The following ETFDH variants were observed in gnomAD, a reference collection of about 807,000 sequenced individuals.
The protein encoded by ETFDH is electron transfer flavoprotein-ubiquinone oxidoreductase, mitochondrial.
ETFDH carries 61 observed loss-of-function variants against 73.2 expected under a neutral mutation model. That is an observed-to-expected ratio of 0.83 (90% CI 0.68 to 1.03). The LOEUF (loss-of-function observed/expected upper bound fraction) is 1.03. ETFDH is among the 50% of genes least tolerant of loss of function. ETFDH has a pLI of 0.00. For synonymous variants in ETFDH, 243 were observed against 253.3 expected (o/e 0.96, Z 0.39); for missense variants, 685 against 745.0 (o/e 0.92, Z 0.94).
intron 5 of ETFDH, 136 bp from the exon 6 acceptor site, chr4:158,690,212 T>C: frequency 1.5e-6 from 1 of 646,816 alleles, no homozygotes. Flanking sequence ...CTTTATTACC[T>C]GAACATTTTA....
At position 158,690,395 on chromosome 4, in the gene ETFDH, T is replaced by C. The variant is rs1241684347; in HGVS notation, c.654T>C (p.Asp218=). The change falls in exon 6 of 13, where the codon GAT becomes GAC. Residue 218 remains aspartate (D), a synonymous_variant. Coordinates refer to ENST00000511912, the MANE Select transcript of ETFDH (RefSeq NM_004453.4). ...DGSVKGIATN[D]VGIQKDGAPK... Reference sequence around the variant, plus strand: ...GTGTAAAAGGAATTGCCACTAACGATGTAGGGATACAAAAGGATGGTGCAC... The same window carrying C: ...GTGTAAAAGGAATTGCCACTAACGACGTAGGGATACAAAAGGATGGTGCAC... The C allele has an allele frequency of 2.6e-5, 41 of 1,604,362 alleles. No homozygotes were observed. Among genetic ancestry groups the C allele is most frequent in the South Asian group, 3.3e-5 (3 of 90,910 alleles).
intron 1 of ETFDH, among the ~76,000 whole-genome samples, chr4:158,674,132 A>C (rs1472969182): frequency 6.6e-6 from 1 of 152,216 alleles, no homozygotes; most frequent in Non-Finnish European, 1.5e-5. Context: ...ACTTCTATGC[A>C]CTAAACTACA....
chr4:158,696,844 A>G (rs180767008), intron 7 of ETFDH, among the ~76,000 whole-genome samples: 1 of 152,170 alleles, frequency 6.6e-6, no homozygotes, highest in Non-Finnish European at 1.5e-5. Flanking sequence ...TACATGGTGA[A>G]CATATCCATG....
At position 158,680,498 on chromosome 4, in the gene ETFDH, G is replaced by C; in HGVS notation, c.66G>C (p.Lys22Asn). 1.2e-6 allele frequency: 2 copies of C among 1,606,168 alleles called. No individual in the cohort carries two copies. Among genetic ancestry groups the C allele is most frequent in the Non-Finnish European group, 1.7e-6 (2 of 1,172,990 alleles). Residue 22 changes from lysine (K) to asparagine (N), a missense_variant, in exon 2 of 13, where the codon AAG (lysine) becomes AAC (asparagine). Coordinates refer to ENST00000511912, the MANE Select transcript of ETFDH (RefSeq NM_004453.4). ...AYQCFHALKIKKNYLPLCATR... is the reference protein window; with the variant it reads ...AYQCFHALKINKNYLPLCATR... ...AGTGCTTTCATGCCTTAAAAATTAA[G>C]AAAAATTATCTACCTCTATGTGCTA...
At chr4:158,686,313 C>G (rs1402923834) in intron 5 of ETFDH, among the ~76,000 whole-genome samples, 1 of 152,078 alleles carries the variant, frequency 6.6e-6, no homozygotes, top group African/African-American at 2.4e-5. Flanking sequence ...GACAGGGTAA[C>G]AAGAAAAACA....
rs1259368875 is a variant in ETFDH at position 158,672,336 on chromosome 4, A to G, written c.-121A>G. Reference sequence around the variant, plus strand: ...TCGGCAGAGCGGGGAGGCGAACTGCAGCAGAGTTCTTGCTTTCCGGCAGGT... The same window carrying G: ...TCGGCAGAGCGGGGAGGCGAACTGCGGCAGAGTTCTTGCTTTCCGGCAGGT... On this transcript the variant is annotated 5_prime_UTR_variant, in exon 1 of 13. Coordinates refer to ENST00000511912, the MANE Select transcript of ETFDH (RefSeq NM_004453.4). 18 of 991,244 alleles carry G rather than the reference A, an allele frequency of 1.8e-5. No homozygotes were observed. Among genetic ancestry groups the G allele is most frequent in the Non-Finnish European group, 1.5e-5 (9 of 614,138 alleles). The allele number at this position is 991,244 out of a possible 1,614,324, so 61.4% of individuals were successfully genotyped here.
At position 158,682,368 on chromosome 4, in the gene ETFDH, G is replaced by A. The variant is rs763106795; in HGVS notation, c.349G>A (p.Ala117Thr). ...AQIGAHTLSG[A>T]CLDPGAFKEL... ...GATAGGAGCTCATACTCTCTCAGGG[G>A]CTTGCCTTGATCCAGGTGCTTTTAA... Residue 117 changes from alanine to threonine, a missense_variant, in exon 3 of 13, where the codon GCT (alanine) becomes ACT (threonine). Physicochemically the swap from Ala to Thr is moderately conservative, Grantham distance 58. This residue lies in a region of ETFDH where 405 missense variants were observed against 399.3 expected (regional missense o/e 1.01). Coordinates refer to ENST00000511912, the MANE Select transcript of ETFDH (RefSeq NM_004453.4). 1 of 1,614,176 alleles carries A rather than the reference G, an allele frequency of 6.2e-7. No individual in the cohort carries two copies. The highest frequency in any genetic ancestry group is 8.5e-7 in the Non-Finnish European group (1 of 1,180,014).
At chr4:158,695,402 C>T (rs552885393) in intron 6 of ETFDH, 95 bp from the exon 7 acceptor site, 8 of 916,916 alleles carry the variant, frequency 8.7e-6, no homozygotes, top group Non-Finnish European at 1.2e-5. Context: ...ACTGTCTCTT[C>T]TACATCTGAA....
rs534388496 is a variant in ETFDH at position 158,680,584 on chromosome 4, G to T, written c.152G>T (p.Arg51Leu). The T allele has an allele frequency of 1.2e-6, 2 of 1,610,398 alleles. No homozygotes were observed. The highest frequency in any genetic ancestry group is 2.2e-5 in the East Asian group (1 of 44,776). The change falls in exon 2 of 13, where the codon CGG (arginine) becomes CTG (leucine). Residue 51 changes from arginine to leucine, a missense_variant. Arg to Leu is a moderately radical substitution (Grantham distance 102, BLOSUM62 -2). This residue lies in a region of ETFDH where 405 missense variants were observed against 399.3 expected (regional missense o/e 1.01). Coordinates refer to ENST00000511912, the MANE Select transcript of ETFDH (RefSeq NM_004453.4). Reference protein sequence around the residue: ...RITTHYTIYPRDKDKRWEGVN... With the variant: ...RITTHYTIYPLDKDKRWEGVN... ...ACTACCCATTATACTATTTATCCCC[G>T]GGATAAGGACAAGAGATGGGAAGGT...
At chr4:158,705,907 C>A (rs984505807) in intron 10 of ETFDH, among the ~76,000 whole-genome samples, 1 of 152,126 alleles carries the variant, frequency 6.6e-6, no homozygotes, top group Non-Finnish European at 1.5e-5. Context: ...ATGGCAAAAC[C>A]CTCTTTCTAC....
intron 6 of ETFDH, among the ~76,000 whole-genome samples, chr4:158,691,207 C>T (rs1774156666): frequency 6.6e-6 from 1 of 152,206 alleles, no homozygotes; most frequent in Non-Finnish European, 1.5e-5. Flanking sequence ...TAACCAAATA[C>T]ATCAAATGAA....
At chr4:158,700,579 CA>C (rs1774436571) in intron 9 of ETFDH, 1 of 34,860 alleles carries the variant, frequency 2.9e-5, no homozygotes, top group Non-Finnish European at 1.4e-4. Context: ...CACGCACACA[CA>C]CACACACACA....
At position 158,706,806 on chromosome 4, in the gene ETFDH, ATC is replaced by A. The variant is rs1469053638; in HGVS notation, c.1648_1649del (p.Leu550ValfsTer4). 5 of 1,613,704 alleles carry A rather than the reference ATC, an allele frequency of 3.1e-6. No homozygotes were observed. Among genetic ancestry groups the A allele is most frequent in the South Asian group, 1.1e-5 (1 of 91,082 alleles). On this transcript the variant is annotated frameshift_variant, in exon 12 of 13. Transcript: ENST00000511912. LOFTEE classifies it high-confidence loss of function. ...GATGACAGTATACCTGTAAATAGAA[ATC>A]TGTCGATATATGATGGGCCCGAGCA... is the stretch of plus-strand genomic sequence containing the variant.
At chr4:158,695,072 A>G (rs546946715) in intron 6 of ETFDH, among the ~76,000 whole-genome samples, 11 of 152,366 alleles carry the variant, frequency 7.2e-5, no homozygotes, top group African/African-American at 2.6e-4. Flanking sequence ...GTATATGTGA[A>G]CCCACACAGT....
At chr4:158,703,359 G>C in intron 9 of ETFDH, 64 bp from the exon 10 acceptor site, 2 of 1,088,230 alleles carry the variant, frequency 1.8e-6, no homozygotes. Context: ...GACTGATTTG[G>C]AGTATTCTGT....
intron 9 of ETFDH, among the ~76,000 whole-genome samples, chr4:158,699,492 C>T (rs1774403518): frequency 6.6e-6 from 1 of 152,124 alleles, no homozygotes; most frequent in African/African-American, 2.4e-5. Flanking sequence ...ATCACTTGAG[C>T]CTAGGAGGTG....
At chr4:158,684,872 A>G (rs900772271) in intron 4 of ETFDH, 199 bp downstream of exon 4, 2 of 622,624 alleles carry the variant, frequency 3.2e-6, no homozygotes, top group African/African-American at 3.7e-5. Context: ...AGAAGAATTG[A>G]GATAGCCTTG....
In ETFDH at chr4:158,709,019, T is replaced by TTGTGTGTGTGTGTG. The variant is rs55861035; in HGVS notation, c.*518_*531dup. 3,240 of 150,558 alleles carry TTGTGTGTGTGTGTG rather than the reference T, an allele frequency of 0.022. 51 individuals carry two copies. The highest frequency in any genetic ancestry group is 0.028 in the African/African-American group (1,078 of 37,862). 9.3% of individuals were successfully genotyped at this position (150,558 alleles called of 1,614,324 possible). A position where few individuals can be genotyped will look rare whatever the true frequency, so the allele number is the denominator to read the frequency against. ...GAAGTATGCCCATCCCTGAACAAGTTTGTGTGTGTGTGTGTGTGTGTGTGT... is the reference window on the plus strand; with the variant it reads ...GAAGTATGCCCATCCCTGAACAAGTTTGTGTGTGTGTGTGTGTGTGTGTGTGTGTGTGTGTGTGT... On this transcript the variant is annotated 3_prime_UTR_variant, in exon 13 of 13. Coordinates refer to ENST00000511912, the MANE Select transcript of ETFDH (RefSeq NM_004453.4).
rs10018426 is a variant in ETFDH at position 158,694,901 on chromosome 4, G to A, written c.685-596G>A. Among the ~76,000 whole-genome samples, 405 of 152,200 alleles carry A rather than the reference G, an allele frequency of 2.7e-3. 1 individual carries two copies. Among genetic ancestry groups the A allele is most frequent in the African/African-American group, 9.5e-3 (394 of 41,532 alleles). ...GTCCCTTGGTGTGCACGGTAGACTGGCTCCATGACCCTCCAAGTATACCAA... is the reference window on the plus strand; with the variant it reads ...GTCCCTTGGTGTGCACGGTAGACTGACTCCATGACCCTCCAAGTATACCAA... On this transcript the variant is annotated intron_variant, in intron 6 of 12. Transcript: ENST00000511912.
Sources: gnomAD v4.1 joint callset for allele counts (sites outside exome capture counted in the v4.1 genomes callset) on GRCh38, gnomAD v4.1.1 for gene constraint, gnomAD v4.1.1 regional missense constraint, MANE v1.5 for transcripts, NCBI Gene and HGNC (gene_info 2026-07-23, HGNC 2026-07-21) for gene names.